Variants in CACNA1B observed in about 807,000 individuals in gnomAD.
The protein encoded by CACNA1B is voltage-dependent N-type calcium channel subunit alpha-1B.
CACNA1B carries 70 observed loss-of-function variants against 247.2 expected under a neutral mutation model. The observed-to-expected ratio is 0.28, with a 90% CI of 0.23 to 0.35. CACNA1B has a LOEUF of 0.35. CACNA1B is among the 10% of genes least tolerant of loss of function. CACNA1B has a pLI of 1.00. For missense variants in CACNA1B, 2,367 were observed against 3,197.4 expected (o/e 0.74, Z 6.26); for synonymous variants, 1,231 against 1,294.4 (o/e 0.95, Z 1.05).
In CACNA1B at chr9:138,058,272, T is replaced by C; in HGVS notation, c.4308+22T>C. On this transcript the variant is annotated intron_variant, in intron 28 of 46. Transcript: ENST00000371372. This position sits in a 1 kb window ranked among gnomAD's most constrained non-coding sequence, Gnocchi z 4.7. The stretch of plus-strand genomic sequence containing the variant: ...CGAGGTAGGTGGACGCTCTGTGGAG[T>C]CTTGCAGTGGACAGCGTGGGCAGCG... 1 of 1,582,850 alleles carries C rather than the reference T, an allele frequency of 6.3e-7. No individual in the cohort carries two copies. The highest frequency in any genetic ancestry group is 1.1e-5 in the South Asian group (1 of 90,468).
intron 7 of CACNA1B, among the ~76,000 whole-genome samples, chr9:137,953,790 G>T (rs191718642): frequency 1.3e-5 from 2 of 152,260 alleles, no homozygotes; most frequent in African/African-American, 2.4e-5. Flanking sequence ...CTTGGAGCTG[G>T]AGTCAGAGGG....
At chr9:137,930,500 AC>A (rs1211241268) in intron 6 of CACNA1B, among the ~76,000 whole-genome samples, 2 of 152,246 alleles carry the variant, frequency 1.3e-5, no homozygotes, top group Non-Finnish European at 2.9e-5. Flanking sequence ...GACGTTTGTT[AC>A]ATGGCTCGGA....
At chr9:137,982,295 A>G (rs1002870879) in intron 12 of CACNA1B, among the ~76,000 whole-genome samples, 26 of 152,174 alleles carry the variant, frequency 1.7e-4, no homozygotes, top group African/African-American at 5.8e-4. Context: ...TTCCAGGCTC[A>G]CTGGTGTGGC....
intron 18 of CACNA1B, among the ~76,000 whole-genome samples, chr9:138,022,808 G>A (rs536188029): frequency 2.4e-4 from 17 of 69,540 alleles, no homozygotes; most frequent in Middle Eastern, 5.1e-3. Flanking sequence ...GACACCGTGG[G>A]GGGGGGGGGC....
chr9:137,919,847 C>A lies in CACNA1B; in HGVS notation c.966+2416C>A, dbSNP rs1458038417. On this transcript the variant is annotated intron_variant, in intron 6 of 46. Coordinates refer to ENST00000371372, the MANE Select transcript of CACNA1B (RefSeq NM_000718.4). The surrounding 1 kb of genome is among the most constrained non-coding windows in gnomAD (Gnocchi z 4.6). ...AAGCTGGTGGCAGCGGGTGGGGCAG[C>A]GTGGGGGCACTCCAGCTTGAGGAGA... Among the ~76,000 whole-genome samples the A allele has an allele frequency of 6.6e-6, 1 of 152,104 alleles. No homozygotes were observed. The highest frequency in any genetic ancestry group is 6.5e-5 in the Admixed American group (1 of 15,276).
intron 36 of CACNA1B, among the ~76,000 whole-genome samples, chr9:138,079,973 G>T (rs1434367942): frequency 6.6e-6 from 1 of 152,164 alleles, no homozygotes. Flanking sequence ...TGGGAGTGAA[G>T]GCCTTGTTGC....
chr9:138,047,135 C>G, intron 22 of CACNA1B, 102 bp downstream of exon 22: 1 of 1,096,148 alleles, frequency 9.1e-7, no homozygotes, highest in Non-Finnish European at 1.3e-6. Context: ...GTCCTGTCGT[C>G]TCACAGGGCA....
chr9:137,959,368 T>C (rs995755650), intron 10 of CACNA1B, among the ~76,000 whole-genome samples: 1 of 152,210 alleles, frequency 6.6e-6, no homozygotes, highest in African/African-American at 2.4e-5. Context: ...CCACCACACC[T>C]GGTCCATCTT....
chr9:137,898,580 G>A lies in CACNA1B; in HGVS notation c.531-14600G>A, dbSNP rs555554064. On this transcript the variant is annotated intron_variant, in intron 3 of 46. Coordinates refer to ENST00000371372, the MANE Select transcript of CACNA1B (RefSeq NM_000718.4). ...GAGTGCAGTAGCATGATCATGGCTT[G>A]CTGCAGCCTCCACCTTCCAGGCTAA... 2.0e-5 allele frequency among the ~76,000 whole-genome samples: 3 copies of A among 151,822 alleles called. No individual in the cohort carries two copies. In the South Asian group the frequency reaches 6.3e-4, roughly 32 times the overall value.
chr9:138,082,667 A>C (rs1960562028), intron 36 of CACNA1B, among the ~76,000 whole-genome samples: 1 of 151,394 alleles, frequency 6.6e-6, no homozygotes, highest in African/African-American at 2.4e-5. Flanking sequence ...GATTTAACAA[A>C]ATGTATAAAG....
intron 38 of CACNA1B, among the ~76,000 whole-genome samples, chr9:138,104,641 G>T (rs1374519834): frequency 6.6e-6 from 1 of 152,200 alleles, no homozygotes; most frequent in Non-Finnish European, 1.5e-5. Context: ...TGGATTTGGG[G>T]CCATGATGCT....
intron 15 of CACNA1B, among the ~76,000 whole-genome samples, chr9:137,993,003 A>G (rs1958451077): frequency 6.6e-6 from 1 of 152,150 alleles, no homozygotes; most frequent in South Asian, 2.1e-4. Flanking sequence ...TAGTGACACA[A>G]CCTATCAAAA....
rs1958424853 is a variant in CACNA1B at position 137,990,910 on chromosome 9, C to T, written c.1974+4056C>T. Among the ~76,000 whole-genome samples, 1 of 152,178 alleles carries T rather than the reference C, an allele frequency of 6.6e-6. No individual in the cohort carries two copies. The highest frequency in any genetic ancestry group is 2.1e-4 in the South Asian group (1 of 4,830). On this transcript the variant is annotated intron_variant, in intron 15 of 46. Coordinates refer to ENST00000371372, the MANE Select transcript of CACNA1B (RefSeq NM_000718.4). The surrounding 1 kb of genome is among the most constrained non-coding windows in gnomAD (Gnocchi z 4.5). ...CATTCCTCAGGGCAGGGGGAGAACACCACATCAAGGGAGCACCCCCAAGAT... is the reference window on the plus strand; with the variant it reads ...CATTCCTCAGGGCAGGGGGAGAACATCACATCAAGGGAGCACCCCCAAGAT...
In CACNA1B at chr9:138,017,111, C is replaced by T. The variant is rs543740348; in HGVS notation, c.2267+3876C>T. On this transcript the variant is annotated intron_variant, in intron 18 of 46. Transcript: ENST00000371372. Reference sequence around the variant, plus strand: ...AACTCTGTCTCTGGTTTTCTCACTTCTGTCTGTTCTGTTTTTTGCATGTGC... The same window carrying T: ...AACTCTGTCTCTGGTTTTCTCACTTTTGTCTGTTCTGTTTTTTGCATGTGC... 4.2e-4 allele frequency: 220 copies of T among 518,738 alleles called. No individual in the cohort carries two copies. In the Middle Eastern group the frequency reaches 5.7e-3, roughly 13 times the overall value. 32.1% of individuals were successfully genotyped at this position (518,738 alleles called of 1,614,324 possible).
Position 138,012,575 on chromosome 9 carries a change from G to A in CACNA1B, c.2161-554G>A, listed in dbSNP as rs544379116. Reference sequence around the variant, plus strand: ...TTAAATTAAAAAAATTTAGCCAGTCGTGATGACACGTGCTTGGAGTCCCAG... The same window carrying A: ...TTAAATTAAAAAAATTTAGCCAGTCATGATGACACGTGCTTGGAGTCCCAG... On this transcript the variant is annotated intron_variant, in intron 17 of 46. Transcript: ENST00000371372. The surrounding 1 kb of genome is among the most constrained non-coding windows in gnomAD (Gnocchi z 4.2). Among the ~76,000 whole-genome samples the A allele has an allele frequency of 6.6e-5, 10 of 152,092 alleles. No homozygotes were observed. The East Asian group carries it at 9.7e-4, about 15-fold the overall frequency.
chr9:137,903,555 A>AT (rs989453388), intron 3 of CACNA1B, among the ~76,000 whole-genome samples: 20 of 152,014 alleles, frequency 1.3e-4, no homozygotes, highest in Non-Finnish European at 1.3e-4. Context: ...TCTTTGAATC[A>AT]TTTTTTAACG....
At chr9:137,938,597 G>C (rs1957696293) in intron 6 of CACNA1B, among the ~76,000 whole-genome samples, 1 of 152,002 alleles carries the variant, frequency 6.6e-6, no homozygotes, top group South Asian at 2.1e-4. Flanking sequence ...AAGCAAGCAG[G>C]AGTAGCCATT....
At chr9:137,956,380 A>T (rs949823733) in intron 8 of CACNA1B, among the ~76,000 whole-genome samples, 1 of 152,218 alleles carries the variant, frequency 6.6e-6, no homozygotes, top group African/African-American at 2.4e-5. Flanking sequence ...TAAGGCAGCC[A>T]GGTGCAGTGG....
chr9:137,945,653 C>A (rs1957787104), intron 6 of CACNA1B, among the ~76,000 whole-genome samples: 1 of 152,224 alleles, frequency 6.6e-6, no homozygotes, highest in Admixed American at 6.5e-5. Context: ...TTGTTCAAAC[C>A]TTTGGATTTT....
Sources: gnomAD v4.1 joint callset for allele counts (sites outside exome capture counted in the v4.1 genomes callset) on GRCh38, gnomAD v4.1.1 for gene constraint, Gnocchi (gnomAD v3.1) non-coding constraint, MANE v1.5 for transcripts, NCBI Gene and HGNC (gene_info 2026-07-23, HGNC 2026-07-21) for gene names.